The following FBXW7 variants were observed in gnomAD, a reference collection of about 807,000 sequenced individuals.
The protein encoded by FBXW7 is F-box/WD repeat-containing protein 7.
In FBXW7, 11 loss-of-function variants were observed where a neutral mutation model predicts 86.3. That is an observed-to-expected ratio of 0.13 (90% CI 0.08 to 0.21). The LOEUF is 0.21. Among genes scored for constraint, FBXW7 ranks in the 10% least tolerant of loss-of-function variants. The pLI, the probability that FBXW7 is intolerant of heterozygous loss-of-function variation, is 1.00. For synonymous variants in FBXW7, 313 were observed against 297.9 expected, an observed-to-expected ratio of 1.05 and a Z score of -0.52; for missense variants, 488 against 847.4, an observed-to-expected ratio of 0.58 and a Z score of 5.27.
chr4:152,474,219 C>T (rs942910229), intron 2 of FBXW7, among the ~76,000 whole-genome samples: 4 of 152,182 alleles, frequency 2.6e-5, no homozygotes, highest in African/African-American at 9.7e-5. Context: ...ACAATCTTCC[C>T]TTAAAAGATG....
In FBXW7 at chr4:152,535,628, G is replaced by A; in HGVS notation, c.-714C>T. 5.0e-6 allele frequency: 2 copies of A among 396,910 alleles called. No homozygotes were observed. The highest frequency in any genetic ancestry group is 8.9e-6 in the Non-Finnish European group (2 of 224,938). The allele number at this position is 396,910 out of a possible 1,614,324, so 24.6% of individuals were successfully genotyped here. ...GCCGGCTCCGCTCGGCGCCGCCCCC[G>A]CTCCCGGCTCCCGCATGTGTCGCTG... is the stretch of plus-strand genomic sequence containing the variant. On this transcript the variant is annotated 5_prime_UTR_variant, in exon 1 of 14. Transcript: ENST00000281708.
chr4:152,493,818 A>C (rs1279465274), intron 2 of FBXW7, among the ~76,000 whole-genome samples: 2 of 152,234 alleles, frequency 1.3e-5, no homozygotes, highest in Non-Finnish European at 2.9e-5. Context: ...TAAGCCACCC[A>C]GTCTGTGGTA....
At chr4:152,465,199 A>G (rs1233001148) in intron 2 of FBXW7, among the ~76,000 whole-genome samples, 1 of 152,208 alleles carries the variant, frequency 6.6e-6, no homozygotes, top group Non-Finnish European at 1.5e-5. Flanking sequence ...CAAGGAAAAA[A>G]AAAAGTCTCT....
chr4:152,375,182 T>C (rs1734386090), intron 4 of FBXW7, among the ~76,000 whole-genome samples: 1 of 152,060 alleles, frequency 6.6e-6, no homozygotes, highest in Non-Finnish European at 1.5e-5. Context: ...CAGGCAAGTA[T>C]TTCTGGCAGC....
At chr4:152,423,755 T>C (rs964256817) in intron 2 of FBXW7, among the ~76,000 whole-genome samples, 1 of 152,062 alleles carries the variant, frequency 6.6e-6, no homozygotes, top group Non-Finnish European at 1.5e-5. Flanking sequence ...TATTCCACTT[T>C]AAAGAGTTCA....
intron 2 of FBXW7, among the ~76,000 whole-genome samples, chr4:152,507,197 G>C (rs761693822): frequency 2.6e-5 from 4 of 152,084 alleles, no homozygotes; most frequent in Non-Finnish European, 5.9e-5. Context: ...TGGATGGATG[G>C]CAAATGACCC....
chr4:152,334,883 T>C (rs1046746886), intron 7 of FBXW7, among the ~76,000 whole-genome samples: 3 of 152,102 alleles, frequency 2.0e-5, no homozygotes, highest in African/African-American at 7.2e-5. Context: ...CATCAAAACA[T>C]CTAAGCAATA....
At chr4:152,324,477 G>C (rs1560756307) in intron 12 of FBXW7, 83 bp from the exon 13 acceptor site, 1 of 1,135,008 alleles carries the variant, frequency 8.8e-7, no homozygotes, top group Non-Finnish European at 1.3e-6. Context: ...AGGAAAGGGG[G>C]AAGAGGATGG....
At chr4:152,511,105 T>C (rs1747921917) in intron 2 of FBXW7, among the ~76,000 whole-genome samples, 1 of 150,930 alleles carries the variant, frequency 6.6e-6, no homozygotes, top group African/African-American at 2.4e-5. Context: ...CTCAAACTCC[T>C]GGGCCCAAGC....
At position 152,535,954 on chromosome 4, in the gene FBXW7, G is replaced by A. The variant is rs1443252345; in HGVS notation, c.-1040C>T. 6.7e-6 allele frequency: 2 copies of A among 296,778 alleles called. No homozygotes were observed. Among genetic ancestry groups the A allele is most frequent in the Admixed American group, 5.2e-5 (1 of 19,052 alleles). 18.4% of individuals were successfully genotyped at this position (296,778 alleles called of 1,614,324 possible). A position where few individuals can be genotyped will look rare whatever the true frequency, so the allele number is the denominator to read the frequency against. On this transcript the variant is annotated 5_prime_UTR_variant, in exon 1 of 14. Coordinates refer to ENST00000281708, the MANE Select transcript of FBXW7 (RefSeq NM_001349798.2). The stretch of plus-strand genomic sequence containing the variant: ...AGCGAAGGTCTCGGCGGCGGCCAGT[G>A]CAGGGGGACTGGATCTCTCGGATGC...
At chr4:152,502,430 AT>A (rs1341045971) in intron 2 of FBXW7, among the ~76,000 whole-genome samples, 1 of 152,152 alleles carries the variant, frequency 6.6e-6, no homozygotes, top group Admixed American at 6.5e-5. Flanking sequence ...TAGAATGAGT[AT>A]TTTTCTACTC....
At chr4:152,451,049 T>TA (rs1445189926) in intron 2 of FBXW7, among the ~76,000 whole-genome samples, 1 of 152,198 alleles carries the variant, frequency 6.6e-6, no homozygotes, top group East Asian at 1.9e-4. Context: ...TGTTGATTCT[T>TA]AGGTTGCAGA....
intron 2 of FBXW7, among the ~76,000 whole-genome samples, chr4:152,429,190 C>CA (rs1309032118): frequency 6.6e-6 from 1 of 151,552 alleles, no homozygotes; most frequent in African/African-American, 2.4e-5. Flanking sequence ...AACTCCATCT[C>CA]AAAAAAAAGA....
chr4:152,465,700 C>T (rs574145368), intron 2 of FBXW7, among the ~76,000 whole-genome samples: 8 of 151,964 alleles, frequency 5.3e-5, no homozygotes, highest in South Asian at 2.1e-4. Flanking sequence ...AAAAATTAGC[C>T]GGGCATGATG....
At chr4:152,418,936 A>C (rs1482692807) in intron 2 of FBXW7, among the ~76,000 whole-genome samples, 1 of 152,184 alleles carries the variant, frequency 6.6e-6, no homozygotes, top group Non-Finnish European at 1.5e-5. Flanking sequence ...ATTCACATTA[A>C]AGAGATAAAT....
intron 4 of FBXW7, among the ~76,000 whole-genome samples, chr4:152,403,771 C>T (rs765229576): frequency 1.3e-5 from 2 of 152,132 alleles, no homozygotes; most frequent in African/African-American, 2.4e-5. Flanking sequence ...ACCTACCGCC[C>T]GCCTCCTGCT....
chr4:152,339,220 C>A (rs953161112), intron 6 of FBXW7, among the ~76,000 whole-genome samples: 1 of 152,132 alleles, frequency 6.6e-6, no homozygotes, highest in Non-Finnish European at 1.5e-5. Context: ...CTTCCTTTTG[C>A]TTCTACAAAT....
intron 2 of FBXW7, among the ~76,000 whole-genome samples, chr4:152,532,615 C>T (rs1330661071): frequency 6.6e-6 from 1 of 152,184 alleles, no homozygotes; most frequent in African/African-American, 2.4e-5. Context: ...CTAAAAGAAA[C>T]CTTCCCAGAT....
intron 2 of FBXW7, among the ~76,000 whole-genome samples, chr4:152,514,652 A>G (rs1173270206): frequency 6.6e-6 from 1 of 152,086 alleles, no homozygotes; most frequent in African/African-American, 2.4e-5. Flanking sequence ...GAACTGATAA[A>G]AAGAGCTTGG....
Sources: gnomAD v4.1 joint callset for allele counts (sites outside exome capture counted in the v4.1 genomes callset) on GRCh38, gnomAD v4.1.1 for gene constraint, MANE v1.5 for transcripts, NCBI Gene and HGNC (gene_info 2026-07-23, HGNC 2026-07-21) for gene names.